Variants in KDM6A observed in about 807,000 individuals in gnomAD.
The protein encoded by KDM6A is lysine demethylase 6A.
A neutral mutation model predicts 117.6 loss-of-function variants in KDM6A; 11 were observed. The observed-to-expected ratio is 0.09, with a 90% CI of 0.06 to 0.15. The LOEUF (loss-of-function observed/expected upper bound fraction) is 0.15, where lower values mean the gene tolerates loss of function less well. Among genes scored for constraint, KDM6A ranks in the 10% least tolerant of loss-of-function variants. The probability of loss-of-function intolerance (pLI) is 1.00; values close to 1 mark genes in which losing one functional copy is unlikely to be tolerated. For missense variants in KDM6A, 799 were observed against 1,077.3 expected (o/e 0.74, Z 3.62); for synonymous variants, 384 against 396.1 (o/e 0.97, Z 0.36).
chrX:45,040,803 CGGCTGGCCGGGCGGGGG>C (rs1329673629), intron 8 of KDM6A, among the ~76,000 whole-genome samples: 12 of 77,430 alleles, frequency 1.5e-4, no homozygotes, highest in Non-Finnish European at 2.8e-4. Flanking sequence ...CCGGACGGGG[CGGCTGGCCGGGCGGGGG>C]GCTGATCCCC....
intron 24 of KDM6A, among the ~76,000 whole-genome samples, chrX:45,084,065 G>A (rs2045544021): frequency 9.0e-6 from 1 of 111,705 alleles, no homozygotes; most frequent in Admixed American, 9.5e-5. Flanking sequence ...AAAATAAAGT[G>A]TAGGTTGCAG....
In KDM6A at chrX:45,078,402, G is replaced by A. The variant is rs749780980; in HGVS notation, c.2991G>A (p.Leu997=). Reference sequence around the variant, plus strand: ...AACCACATATTTTAATTTTACAGTTGGAAAATAAACGTGATGCTTTCTTTC... The same window carrying A: ...AACCACATATTTTAATTTTACAGTTAGAAAATAAACGTGATGCTTTCTTTC... ...KLNPPTPSIY[L]ENKRDAFFPP... is the part of the protein sequence containing the mutation. The change falls in exon 20 of 30, where the codon TTG becomes TTA. Residue 997 remains leucine (L), a splice_region_variant and synonymous_variant. Coordinates refer to ENST00000611820, the MANE Select transcript of KDM6A (RefSeq NM_001291415.2). 1.7e-6 allele frequency: 2 copies of A among 1,206,201 alleles called. No homozygotes were observed. The highest frequency in any genetic ancestry group is 2.2e-5 in the Admixed American group (1 of 45,806).
chrX:44,989,839 G>A (rs1032470891), intron 4 of KDM6A, among the ~76,000 whole-genome samples: 3 of 111,957 alleles, frequency 2.7e-5, no homozygotes, highest in Non-Finnish European at 5.6e-5. Context: ...CCACGTTCTC[G>A]GTCTAGAGCA....
rs1437873802 is a variant in KDM6A, at chrX:44,873,486, G to A, written c.-66G>A. The A allele has an allele frequency of 3.4e-6, 4 of 1,188,222 alleles. No homozygotes were observed. The Admixed American group carries it at 6.6e-5, about 20-fold the overall frequency. On this transcript the variant is annotated 5_prime_UTR_variant, in exon 1 of 30. Coordinates refer to ENST00000611820, the MANE Select transcript of KDM6A (RefSeq NM_001291415.2). ...TGCTGGTCCCGCGCGCAGATTGGGG[G>A]CGTCACTGCGGGCCCCGGTCCGAGG...
At chrX:45,102,943 A>T (rs1426053069) in intron 27 of KDM6A, among the ~76,000 whole-genome samples, 1 of 110,518 alleles carries the variant, frequency 9.0e-6, no homozygotes, top group Non-Finnish European at 1.9e-5. Context: ...CAGAGCTCAT[A>T]TGTTGGCTTG....
chrX:44,949,425 C>T (rs1300033405), intron 2 of KDM6A, among the ~76,000 whole-genome samples: 2 of 110,979 alleles, frequency 1.8e-5, no homozygotes, highest in East Asian at 5.6e-4. Context: ...TTACTGTTTG[C>T]ATATATGCAT....
intron 27 of KDM6A, among the ~76,000 whole-genome samples, chrX:45,099,801 A>C (rs1012366369): frequency 1.6e-4 from 18 of 111,619 alleles, no homozygotes; most frequent in Non-Finnish European, 3.8e-5. Flanking sequence ...TTGGGAGGCC[A>C]AGTCGGGCAG....
chrX:44,932,015 T>C (rs2036654664), intron 2 of KDM6A, among the ~76,000 whole-genome samples: 1 of 106,800 alleles, frequency 9.4e-6, no homozygotes, highest in Admixed American at 1.0e-4. Context: ...CTTGCTTGAA[T>C]ATTCCTGTGA....
chrX:45,112,396 T>A lies in KDM6A; in HGVS notation c.*985T>A, dbSNP rs1049028901. 1 of 132,592 alleles carries A rather than the reference T, an allele frequency of 7.5e-6. No individual in the cohort carries two copies. The highest frequency in any genetic ancestry group is 1.3e-4 in the East Asian group (1 of 7,764). The allele number at this position is 132,592 out of a possible 1,213,427, so 10.9% of individuals were successfully genotyped here. A position where few individuals can be genotyped will look rare whatever the true frequency, so the allele number is the denominator to read the frequency against. ...AGAAATCTGGATATATATGTATAAA[T>A]CTTTAGAACTTAAATTTTTCTCGTT... On this transcript the variant is annotated 3_prime_UTR_variant, in exon 30 of 30. Coordinates refer to ENST00000611820, the MANE Select transcript of KDM6A (RefSeq NM_001291415.2).
intron 2 of KDM6A, among the ~76,000 whole-genome samples, chrX:44,953,885 C>T (rs2038164126): frequency 9.1e-6 from 1 of 110,162 alleles, no homozygotes; most frequent in African/African-American, 3.3e-5. Context: ...GGTGAAACCC[C>T]GTCTCTACAA....
chrX:45,110,894 A>G (rs977061129), intron 29 of KDM6A, among the ~76,000 whole-genome samples: 2 of 112,090 alleles, frequency 1.8e-5, no homozygotes, highest in African/African-American at 6.5e-5. Context: ...CTTGTCTCCC[A>G]CACATATGTG....
At chrX:45,059,947 T>C (rs1438675291) in intron 12 of KDM6A, 75 bp from the exon 13 acceptor site, 1 of 1,161,075 alleles carries the variant, frequency 8.6e-7, no homozygotes, top group East Asian at 3.1e-5. Flanking sequence ...GCTATAGCAT[T>C]TAGGAAGATT....
intron 27 of KDM6A, among the ~76,000 whole-genome samples, chrX:45,096,515 T>G (rs1300591999): frequency 8.9e-6 from 1 of 111,741 alleles, no homozygotes; most frequent in African/African-American, 3.2e-5. Context: ...TGGGGCAGCA[T>G]AGAGGAAGGT....
chrX:45,101,206 T>G (rs775890203), intron 27 of KDM6A, among the ~76,000 whole-genome samples: 1 of 111,619 alleles, frequency 9.0e-6, no homozygotes, highest in African/African-American at 3.3e-5. Flanking sequence ...CCTTCATATC[T>G]TAGCTTCTTC....
chrX:44,984,006 A>C (rs1007186106), intron 4 of KDM6A, among the ~76,000 whole-genome samples: 1 of 110,636 alleles, frequency 9.0e-6, no homozygotes, highest in Non-Finnish European at 1.9e-5. Flanking sequence ...ACAATGGTTG[A>C]ACTAGTTTAC....
intron 4 of KDM6A, among the ~76,000 whole-genome samples, chrX:44,981,101 C>G (rs191225373): frequency 9.0e-6 from 1 of 111,582 alleles, no homozygotes; most frequent in African/African-American, 3.3e-5. Flanking sequence ...GGTTTTCCCC[C>G]TGCATACCTG....
chrX:44,877,121 A>G (rs1025327683), intron 2 of KDM6A, among the ~76,000 whole-genome samples: 13 of 111,895 alleles, frequency 1.2e-4, no homozygotes, highest in African/African-American at 4.2e-4. Flanking sequence ...CTATATGTGT[A>G]TTCCTTTTCC....
chrX:45,102,583 A>G (rs1433364872), intron 27 of KDM6A, among the ~76,000 whole-genome samples: 1 of 111,764 alleles, frequency 8.9e-6, no homozygotes, highest in Non-Finnish European at 1.9e-5. Flanking sequence ...CATAAAGACC[A>G]GTCCATAGTT....
intron 4 of KDM6A, among the ~76,000 whole-genome samples, chrX:45,007,881 G>T (rs888934629): frequency 6.3e-4 from 71 of 111,998 alleles, no homozygotes; most frequent in African/African-American, 2.3e-3. Flanking sequence ...TTCTATAAAT[G>T]AAGCCCTCTA....
Sources: allele counts gnomAD v4.1 joint callset (sites outside exome capture counted in the v4.1 genomes callset), GRCh38; gene constraint gnomAD v4.1.1; transcripts MANE v1.5; gene names NCBI Gene and HGNC (gene_info 2026-07-23, HGNC 2026-07-21).